The following COL25A1 variants were observed in gnomAD, a reference collection of about 807,000 sequenced individuals.
COL25A1 encodes collagen type XXV alpha 1 chain.
In COL25A1, 103 loss-of-function variants were observed where a neutral mutation model predicts 128.4. That is an observed-to-expected ratio of 0.80 (90% confidence interval 0.68 to 0.94). The LOEUF is 0.94. Among genes scored for constraint, COL25A1 ranks in the 40% least tolerant of loss-of-function variants. The pLI is 0.00. For missense variants in COL25A1, 745 were observed against 840.0 expected (o/e 0.89, Z 1.40); for synonymous variants, 279 against 277.2 (o/e 1.01, Z -0.06).
intron 3 of COL25A1, among the ~76,000 whole-genome samples, chr4:109,246,473 C>T (rs2126237263): frequency 6.6e-6 from 1 of 152,218 alleles, no homozygotes; most frequent in South Asian, 2.1e-4. Context: ...TCCACCAATT[C>T]TCAAGGAATT....
intron 32 of COL25A1, among the ~76,000 whole-genome samples, chr4:108,828,854 G>A (rs188840552): frequency 1.3e-5 from 2 of 152,250 alleles, no homozygotes; most frequent in East Asian, 3.9e-4. Flanking sequence ...AGTGCCTGCA[G>A]AGCCACCTGA....
chr4:109,160,006 T>C (rs548843724), intron 3 of COL25A1, among the ~76,000 whole-genome samples: 2 of 152,316 alleles, frequency 1.3e-5, no homozygotes, highest in African/African-American at 4.8e-5. Context: ...ATCATGTACC[T>C]TCAAAGAGGT....
intron 3 of COL25A1, among the ~76,000 whole-genome samples, chr4:109,282,645 G>C (rs1723483966): frequency 6.6e-6 from 1 of 152,198 alleles, no homozygotes; most frequent in Non-Finnish European, 1.5e-5. Context: ...CCCTGCCTTT[G>C]AGAGTTCACC....
At chr4:108,862,674 T>C (rs926574627) in intron 21 of COL25A1, 129 bp from the exon 22 acceptor site, 12 of 733,760 alleles carry the variant, frequency 1.6e-5, no homozygotes, top group Admixed American at 6.3e-5. Context: ...TGCCTCAATA[T>C]ATGGCTCTAC....
At chr4:109,218,364 T>TTTTGTTTGTTTGTTTG (rs1288984507) in intron 3 of COL25A1, among the ~76,000 whole-genome samples, 2 of 130,154 alleles carry the variant, frequency 1.5e-5, no homozygotes, top group African/African-American at 6.8e-5. Context: ...GGGGTTTTTT[T>TTTTGTTTGTTTGTTTG]TTTTTTTTTT....
In COL25A1 at chr4:108,827,141, C is replaced by T; in HGVS notation, c.1758G>A (p.Gly586=). 6.2e-7 allele frequency: 1 copy of T among 1,613,742 alleles called. No homozygotes were observed. The highest frequency in any genetic ancestry group is 8.5e-7 in the Non-Finnish European group (1 of 1,179,806). The change falls in exon 33 of 38, where the codon GGG becomes GGA. Residue 586 remains glycine (G), a synonymous_variant. Transcript: ENST00000399132. Reference sequence around the variant, plus strand: ...CATGTGACCAGGAACTCACAGGCAGCCCATAGGGCCCTCTTGGTCCAGGCT... The same window carrying T: ...CATGTGACCAGGAACTCACAGGCAGTCCATAGGGCCCTCTTGGTCCAGGCT... ...MGEPGPRGPY[G]LPGKDGEPGL... is the part of the protein sequence containing the mutation.
At chr4:109,004,696 C>T (rs916754376) in intron 6 of COL25A1, among the ~76,000 whole-genome samples, 1 of 152,036 alleles carries the variant, frequency 6.6e-6, no homozygotes, top group South Asian at 2.1e-4. Flanking sequence ...CTGCTTTTGC[C>T]ATGTGACGTG....
intron 3 of COL25A1, among the ~76,000 whole-genome samples, chr4:109,244,701 C>T (rs2126235178): frequency 6.6e-6 from 1 of 152,186 alleles, no homozygotes; most frequent in Admixed American, 6.5e-5. Context: ...GCACTGCAGT[C>T]CCCAAAAGAG....
At chr4:109,285,524 T>C (rs1723793918) in intron 3 of COL25A1, among the ~76,000 whole-genome samples, 1 of 152,182 alleles carries the variant, frequency 6.6e-6, no homozygotes, top group Non-Finnish European at 1.5e-5. Flanking sequence ...AAGGCAGCGT[T>C]GTCCCTTGGA....
chr4:109,024,478 A>C (rs1758063598), intron 5 of COL25A1, among the ~76,000 whole-genome samples: 1 of 152,056 alleles, frequency 6.6e-6, no homozygotes. Flanking sequence ...AAATCTATCT[A>C]AAAAAAGAAA....
intron 3 of COL25A1, among the ~76,000 whole-genome samples, chr4:109,162,494 T>C (rs893572670): frequency 8.5e-5 from 13 of 152,330 alleles, no homozygotes; most frequent in African/African-American, 2.9e-4. Flanking sequence ...GTTTCCTACA[T>C]AGCAGTGTGA....
intron 5 of COL25A1, among the ~76,000 whole-genome samples, chr4:109,047,516 T>C (rs1760551153): frequency 1.3e-5 from 2 of 151,892 alleles, no homozygotes; most frequent in African/African-American, 2.4e-5. Context: ...CGACCACAAA[T>C]AGGGTGAAGT....
Position 108,834,415 on chromosome 4 carries a change from G to T in COL25A1, c.1657-1982C>A, listed in dbSNP as rs1202923214. The T allele has an allele frequency of 3.9e-6, 6 of 1,549,940 alleles. No homozygotes were observed. In the East Asian group the frequency reaches 1.5e-4, roughly 38 times the overall value. ...CCTGTGTGATTTGGTTGGTAGCAGG[G>T]TTGGTGGGTGTAACACGAATGACAA... On this transcript the variant is annotated intron_variant, in intron 31 of 37. Transcript: ENST00000399132.
At chr4:108,836,235 C>G (rs1386774522) in intron 31 of COL25A1, among the ~76,000 whole-genome samples, 1 of 152,042 alleles carries the variant, frequency 6.6e-6, no homozygotes, top group Non-Finnish European at 1.5e-5. Flanking sequence ...TTGTTTAAGG[C>G]TAGCATAGGT....
intron 3 of COL25A1, among the ~76,000 whole-genome samples, chr4:109,167,083 T>C (rs186600703): frequency 6.6e-6 from 1 of 152,304 alleles, no homozygotes; most frequent in African/African-American, 2.4e-5. Flanking sequence ...TTGAATCTTA[T>C]AAAATTGAGT....
At chr4:109,066,149 T>C (rs1458153868) in intron 3 of COL25A1, among the ~76,000 whole-genome samples, 3 of 152,210 alleles carry the variant, frequency 2.0e-5, no homozygotes, top group Non-Finnish European at 4.4e-5. Flanking sequence ...TGGACATTCA[T>C]ATTTAAATGA....
chr4:109,253,573 C>T lies in COL25A1; in HGVS notation c.367+47010G>A, dbSNP rs534078925. ...ACTGTAATAGACACATCCAGAAAAACGTTTAACCAAATATTTGGGTACCAT... is the reference window on the plus strand; with the variant it reads ...ACTGTAATAGACACATCCAGAAAAATGTTTAACCAAATATTTGGGTACCAT... On this transcript the variant is annotated intron_variant, in intron 3 of 37. Coordinates refer to ENST00000399132, the MANE Select transcript of COL25A1 (RefSeq NM_198721.4). 9.3e-4 allele frequency among the ~76,000 whole-genome samples: 141 copies of T among 152,200 alleles called. 1 individual carries two copies. Among genetic ancestry groups the T allele is most frequent in the Middle Eastern group, 3.4e-3 (1 of 294 alleles).
At chr4:109,128,615 T>C (rs1390485242) in intron 3 of COL25A1, among the ~76,000 whole-genome samples, 1 of 152,182 alleles carries the variant, frequency 6.6e-6, no homozygotes, top group East Asian at 1.9e-4. Context: ...GCCCAGACTG[T>C]CCTTGTTTGG....
chr4:109,162,467 G>C (rs1053489651), intron 3 of COL25A1, among the ~76,000 whole-genome samples: 6 of 152,154 alleles, frequency 3.9e-5, no homozygotes, highest in African/African-American at 7.2e-5. Flanking sequence ...TGCAACTACT[G>C]TCCATCAGCT....
Sources: allele counts gnomAD v4.1 joint callset (sites outside exome capture counted in the v4.1 genomes callset), GRCh38; gene constraint gnomAD v4.1.1; transcripts MANE v1.5; gene names NCBI Gene and HGNC (gene_info 2026-07-23, HGNC 2026-07-21).